ATG7: variants seen among roughly 807,000 people sequenced by gnomAD.
ATG7 encodes the protein ubiquitin-like modifier-activating enzyme ATG7.
Under a neutral mutation model 82.4 loss-of-function variants are expected in ATG7, and 70 were observed. The observed-to-expected ratio is 0.85, with a 90% CI of 0.70 to 1.04. The LOEUF is 1.04. Among genes scored for constraint, ATG7 ranks in the 50% least tolerant of loss-of-function variants. ATG7 has a pLI of 0.00. For missense variants in ATG7, 792 were observed against 864.3 expected (o/e 0.92, Z 1.05); for synonymous variants, 287 against 313.0 (o/e 0.92, Z 0.88).
At chr3:11,404,125 ATTT>A (rs10591303) in intron 19 of ATG7, among the ~76,000 whole-genome samples, 177 of 76,912 alleles carry the variant, frequency 2.3e-3, no homozygotes, top group Non-Finnish European at 3.0e-3. Context: ...AACCAGCTCA[ATTT>A]TTTTTTTTTT....
intron 20 of ATG7, among the ~76,000 whole-genome samples, chr3:11,508,872 A>T (rs1194116009): frequency 6.6e-6 from 1 of 152,250 alleles, no homozygotes; most frequent in Non-Finnish European, 1.5e-5. Flanking sequence ...CAAACTCGGT[A>T]CAACGTGATC....
At chr3:11,328,630 A>G (rs1191638799) in intron 9 of ATG7, among the ~76,000 whole-genome samples, 2 of 152,224 alleles carry the variant, frequency 1.3e-5, no homozygotes, top group Non-Finnish European at 2.9e-5. Context: ...AGTAAAATTC[A>G]TTTTCAGAGA....
intron 20 of ATG7, among the ~76,000 whole-genome samples, chr3:11,544,924 G>C (rs2071146465): frequency 1.3e-5 from 2 of 152,208 alleles, no homozygotes; most frequent in African/African-American, 4.8e-5. Flanking sequence ...GAAGTCAGAT[G>C]CACAGACTAC....
chr3:11,549,454 T>G (rs1420216053), intron 20 of ATG7, among the ~76,000 whole-genome samples: 1 of 152,188 alleles, frequency 6.6e-6, no homozygotes, highest in East Asian at 1.9e-4. Context: ...TCCAGACTAT[T>G]CATACTACGT....
rs73139531 is a variant in ATG7 at position 11,483,137 on chromosome 3, C to G, written c.2079+56211C>G. ...CAAAGTAGTGGTAAATTTAGAAATC[C>G]CTTTTCTGCTCTCCTTGCCCCTCAC... On this transcript the variant is annotated intron_variant, in intron 20 of 20. Coordinates refer to ENST00000693202, the MANE Select transcript of ATG7 (RefSeq NM_001349232.2). 9.2e-5 allele frequency among the ~76,000 whole-genome samples: 14 copies of G among 152,162 alleles called. No individual in the cohort carries two copies. In the East Asian group the frequency reaches 2.5e-3, roughly 27 times the overall value.
At chr3:11,328,819 G>T (rs1951236803) in intron 9 of ATG7, among the ~76,000 whole-genome samples, 1 of 152,230 alleles carries the variant, frequency 6.6e-6, no homozygotes, top group African/African-American at 2.4e-5. Flanking sequence ...AGGCGCAGTG[G>T]CTCATGCCTG....
chr3:11,562,412 C>T (rs978781018), downstream of ATG7, among the ~76,000 whole-genome samples: 10 of 152,218 alleles, frequency 6.6e-5, no homozygotes, highest in South Asian at 2.1e-4. Flanking sequence ...AGGCTTCCAC[C>T]GTGCCCACCC....
rs190426384 is a variant in ATG7, at chr3:11,401,007, C to G, written c.1956+20955C>G. Among the ~76,000 whole-genome samples, 278 of 152,262 alleles carry G rather than the reference C, an allele frequency of 1.8e-3. 1 individual carries two copies. Among genetic ancestry groups the G allele is most frequent in the Admixed American group, 3.7e-3 (56 of 15,284 alleles). On this transcript the variant is annotated intron_variant, in intron 19 of 20. Transcript: ENST00000693202. ...AAAGATGGACTTTAAAAATGTGCTG[C>G]TTAATGGGTTGAATCCCAAGATGTT...
At chr3:11,454,213 G>A (rs2085475440) in intron 20 of ATG7, among the ~76,000 whole-genome samples, 1 of 152,110 alleles carries the variant, frequency 6.6e-6, no homozygotes, top group Non-Finnish European at 1.5e-5. Flanking sequence ...ACCCAGAGAA[G>A]CCCAGGGTCT....
intron 19 of ATG7, among the ~76,000 whole-genome samples, chr3:11,385,500 CAGAGATACAA>C (rs2078252495): frequency 6.6e-6 from 1 of 152,160 alleles, no homozygotes; most frequent in Non-Finnish European, 1.5e-5. Context: ...TGCTGTGTGC[CAGAGATACAA>C]AGATGATTAC....
chr3:11,544,631 C>T (rs1007209763), intron 20 of ATG7, among the ~76,000 whole-genome samples: 5 of 152,246 alleles, frequency 3.3e-5, no homozygotes, highest in South Asian at 2.1e-4. Context: ...CCGCCCACCC[C>T]TGTCCTTCTG....
chr3:11,492,694 G>A (rs1559742084), intron 20 of ATG7, among the ~76,000 whole-genome samples: 1 of 152,172 alleles, frequency 6.6e-6, no homozygotes, highest in Non-Finnish European at 1.5e-5. Flanking sequence ...GAATGCATAG[G>A]TGAGCAAGTG....
At chr3:11,299,049 AAG>A (rs1424967506) in intron 4 of ATG7, 194 bp downstream of exon 4, 3 of 669,524 alleles carry the variant, frequency 4.5e-6, no homozygotes, top group Non-Finnish European at 7.3e-6. Flanking sequence ...GGGAAAAAGA[AAG>A]AGAGTAGTGA....
intron 19 of ATG7, among the ~76,000 whole-genome samples, chr3:11,386,342 A>G (rs1348434007): frequency 3.9e-5 from 6 of 152,240 alleles, no homozygotes; most frequent in African/African-American, 1.4e-4. Flanking sequence ...CCAGCCATTT[A>G]GATCACTGTT....
At chr3:11,380,110 C>T (rs1206272553) in intron 19 of ATG7, 58 bp downstream of exon 19, 14 of 1,534,034 alleles carry the variant, frequency 9.1e-6, no homozygotes, top group South Asian at 4.5e-5. Flanking sequence ...CAGCATTTGA[C>T]CGCAGCCTCA....
intron 20 of ATG7, among the ~76,000 whole-genome samples, chr3:11,448,085 C>T (rs1326470356): frequency 2.0e-5 from 3 of 152,224 alleles, no homozygotes; most frequent in Non-Finnish European, 2.9e-5. Flanking sequence ...TGTCCCCAAG[C>T]TTGACTCACT....
At chr3:11,383,972 T>TTCC (rs1411184479) in intron 19 of ATG7, among the ~76,000 whole-genome samples, 1 of 152,214 alleles carries the variant, frequency 6.6e-6, no homozygotes, top group Non-Finnish European at 1.5e-5. Flanking sequence ...ACCCACACTC[T>TTCC]TCCTATCAAG....
intron 9 of ATG7, among the ~76,000 whole-genome samples, chr3:11,320,786 T>C (rs889654712): frequency 2.0e-5 from 3 of 152,210 alleles, no homozygotes; most frequent in African/African-American, 7.2e-5. Flanking sequence ...AGATTGCTCA[T>C]GGGAAGCACC....
At chr3:11,524,584 C>T (rs1334578378) in intron 20 of ATG7, among the ~76,000 whole-genome samples, 2 of 152,122 alleles carry the variant, frequency 1.3e-5, no homozygotes, top group Admixed American at 6.5e-5. Context: ...CATGGTGAAA[C>T]CCCATCTCTC....
Sources: allele counts gnomAD v4.1 joint callset (sites outside exome capture counted in the v4.1 genomes callset), GRCh38; gene constraint gnomAD v4.1.1; transcripts MANE v1.5; gene names NCBI Gene and HGNC (gene_info 2026-07-23, HGNC 2026-07-21).